The following VNN1 variants were observed in gnomAD, a reference collection of about 807,000 sequenced individuals.
The protein encoded by VNN1 is pantetheinase.
VNN1 carries 29 observed loss-of-function variants against 41.9 expected under a neutral mutation model. The ratio of observed to expected loss-of-function variants is 0.69; its 90% confidence interval spans 0.52 to 0.94. The LOEUF is 0.94. Ranked by LOEUF, VNN1 falls within the 40% of genes least tolerant of loss-of-function variation. The pLI, the probability that VNN1 is intolerant of heterozygous loss-of-function variation, is 0.00. For missense variants in VNN1, 637 were observed against 621.1 expected (o/e 1.03, Z -0.27); for synonymous variants, 233 against 224.4 (o/e 1.04, Z -0.34).
intron 2 of VNN1, among the ~76,000 whole-genome samples, chr6:132,703,838 A>T (rs960750875): frequency 6.6e-6 from 1 of 152,216 alleles, no homozygotes; most frequent in African/African-American, 2.4e-5. Flanking sequence ...ATAAAGACAC[A>T]CACAGACAGA....
At position 132,713,319 on chromosome 6, in the gene VNN1, C is replaced by T. The variant is rs555666565; in HGVS notation, c.210+507G>A. Among the ~76,000 whole-genome samples, 269 of 152,276 alleles carry T rather than the reference C, an allele frequency of 1.8e-3. 1 individual carries two copies. The highest frequency in any genetic ancestry group is 2.9e-3 in the Non-Finnish European group (200 of 68,022). ...CTGAAACCTTCACTAAACTTAAGGA[C>T]TCACAATGCATTACATATACTTTTA... On this transcript the variant is annotated intron_variant, in intron 1 of 6. Transcript: ENST00000367928.
At chr6:132,684,834 C>T (rs891634503) in intron 5 of VNN1, among the ~76,000 whole-genome samples, 9 of 152,008 alleles carry the variant, frequency 5.9e-5, no homozygotes, top group African/African-American at 1.9e-4. Context: ...TCCAGTTTAT[C>T]ACTGAATAAT....
chr6:132,702,458 C>T (rs1345280308), intron 2 of VNN1, among the ~76,000 whole-genome samples: 2 of 152,160 alleles, frequency 1.3e-5, no homozygotes, highest in Non-Finnish European at 2.9e-5. Context: ...GACTACAATT[C>T]CTAGGCAAGT....
At chr6:132,710,241 G>A (rs528834006) in intron 2 of VNN1, among the ~76,000 whole-genome samples, 42 of 152,148 alleles carry the variant, frequency 2.8e-4, no homozygotes, top group Admixed American at 1.6e-3. Context: ...GTAGAGATGG[G>A]GTTTTGCCAA....
At chr6:132,692,928 T>G in intron 4 of VNN1, 96 bp downstream of exon 4, 4 of 1,306,466 alleles carry the variant, frequency 3.1e-6, no homozygotes, top group Non-Finnish European at 4.0e-6. Context: ...TGGAAAACAT[T>G]GTATTAAGGA....
chr6:132,689,081 T>TTTCA (rs1177859604), intron 5 of VNN1, among the ~76,000 whole-genome samples: 1 of 152,110 alleles, frequency 6.6e-6, no homozygotes, highest in Non-Finnish European at 1.5e-5. Context: ...TAGAGACAGG[T>TTTCA]TTCACCATGT....
rs1251550972 is a variant in VNN1, at chr6:132,681,819, T to A, written c.*1321A>T. ...AAATATTTCTTGGATGATATAGTAC[T>A]TTTTAGGAAAAACATCTGCCACAAA... On this transcript the variant is annotated 3_prime_UTR_variant, in exon 7 of 7. Coordinates refer to ENST00000367928, the MANE Select transcript of VNN1 (RefSeq NM_004666.3). The A allele has an allele frequency of 6.6e-6, 1 of 152,604 alleles. No individual in the cohort carries two copies. The highest frequency in any genetic ancestry group is 1.5e-5 in the Non-Finnish European group (1 of 68,018). 9.5% of individuals were successfully genotyped at this position (152,604 alleles called of 1,614,324 possible).
At chr6:132,706,285 A>G (rs1778516765) in intron 2 of VNN1, among the ~76,000 whole-genome samples, 1 of 152,200 alleles carries the variant, frequency 6.6e-6, no homozygotes, top group Non-Finnish European at 1.5e-5. Flanking sequence ...CCAAAACTGC[A>G]TGGTACTGGC....
rs1320895094 is a variant in VNN1 at position 132,681,097 on chromosome 6, CTGTT to C, written c.*2039_*2042del. 2.0e-5 allele frequency among the ~76,000 whole-genome samples: 3 copies of C among 152,126 alleles called. No individual in the cohort carries two copies. Among genetic ancestry groups the C allele is most frequent in the Non-Finnish European group, 4.4e-5 (3 of 68,032 alleles). On this transcript the variant is annotated 3_prime_UTR_variant, in exon 7 of 7. Coordinates refer to ENST00000367928, the MANE Select transcript of VNN1 (RefSeq NM_004666.3). ...GCCCCACCTCCTGATATTCTCAACT[CTGTT>C]TGATTCTGTCCACGTTGTGCCATTG... is the stretch of plus-strand genomic sequence containing the variant.
intron 2 of VNN1, among the ~76,000 whole-genome samples, chr6:132,695,958 C>T (rs970434099): frequency 6.6e-6 from 1 of 151,990 alleles, no homozygotes; most frequent in African/African-American, 2.4e-5. Context: ...TACAAAGAAA[C>T]AGGAAAGTAT....
In VNN1 at chr6:132,681,337, C is replaced by T. The variant is rs1778117253; in HGVS notation, c.*1803G>A. On this transcript the variant is annotated 3_prime_UTR_variant, in exon 7 of 7. Coordinates refer to ENST00000367928, the MANE Select transcript of VNN1 (RefSeq NM_004666.3). ...AGGCCTGGCAACCGCCGTGAGTGAG[C>T]TGAGAAGCAGATTTTCTCCAGCCCC... Among the ~76,000 whole-genome samples, 1 of 152,164 alleles carries T rather than the reference C, an allele frequency of 6.6e-6. No homozygotes were observed. The highest frequency in any genetic ancestry group is 2.1e-4 in the South Asian group (1 of 4,828).
At chr6:132,694,266 C>T (rs1161153343) in intron 2 of VNN1, 84 bp from the exon 3 acceptor site, 3 of 1,319,584 alleles carry the variant, frequency 2.3e-6, no homozygotes, top group Non-Finnish European at 2.0e-6. Flanking sequence ...TTGCCTAAAC[C>T]TATTATTTGA....
chr6:132,693,410 C>T, intron 3 of VNN1, 95 bp from the exon 4 acceptor site: 1 of 1,218,764 alleles, frequency 8.2e-7, no homozygotes, highest in South Asian at 1.7e-5. Context: ...CATCTTAGTG[C>T]CAATTTCATC....
rs1778109891 is a variant in VNN1, at chr6:132,680,967, A to C, written c.*2173T>G. Among the ~76,000 whole-genome samples, 1 of 152,218 alleles carries C rather than the reference A, an allele frequency of 6.6e-6. No homozygotes were observed. The highest frequency in any genetic ancestry group is 2.1e-4 in the South Asian group (1 of 4,834). On this transcript the variant is annotated 3_prime_UTR_variant, in exon 7 of 7. Coordinates refer to ENST00000367928, the MANE Select transcript of VNN1 (RefSeq NM_004666.3). ...GAAATACATATCACATATAGCAAAA[A>C]GAAAAGGAAAACAATCCTATTTTTT...
intron 6 of VNN1, among the ~76,000 whole-genome samples, chr6:132,683,701 T>A (rs1396242703): frequency 6.6e-6 from 1 of 152,170 alleles, no homozygotes; most frequent in Non-Finnish European, 1.5e-5. Flanking sequence ...ATCTGTCATC[T>A]CCTGTCTCTT....
chr6:132,705,878 C>A (rs1778510506), intron 2 of VNN1, among the ~76,000 whole-genome samples: 3 of 151,900 alleles, frequency 2.0e-5, no homozygotes, highest in African/African-American at 7.3e-5. Flanking sequence ...AGCAAGCAAT[C>A]TGAAAAAGAA....
chr6:132,693,423 T>C (rs1778321334), intron 3 of VNN1, 108 bp from the exon 4 acceptor site: 2 of 1,157,188 alleles, frequency 1.7e-6, no homozygotes, highest in East Asian at 2.6e-5. Context: ...ATTTCATCTA[T>C]GATCAGTGTT....
At chr6:132,709,530 G>A (rs565587853) in intron 2 of VNN1, among the ~76,000 whole-genome samples, 3 of 152,160 alleles carry the variant, frequency 2.0e-5, no homozygotes, top group East Asian at 1.9e-4. Flanking sequence ...AACTAGCTGG[G>A]TGTTGTGGCT....
intron 2 of VNN1, among the ~76,000 whole-genome samples, chr6:132,694,624 G>A (rs944802133): frequency 1.3e-5 from 2 of 151,862 alleles, no homozygotes; most frequent in Non-Finnish European, 2.9e-5. Context: ...GGAGTCCAAG[G>A]AGGAAGGATT....
Sources: allele counts gnomAD v4.1 joint callset (sites outside exome capture counted in the v4.1 genomes callset), GRCh38; gene constraint gnomAD v4.1.1; transcripts MANE v1.5; gene names NCBI Gene and HGNC (gene_info 2026-07-23, HGNC 2026-07-21).